MCTP1: variants seen among roughly 807,000 people sequenced by gnomAD.
The protein encoded by MCTP1 is multiple C2 and transmembrane domain-containing protein 1.
Under a neutral mutation model 120.6 loss-of-function variants are expected in MCTP1, and 69 were observed. The observed-to-expected ratio is 0.57, with a 90% CI of 0.47 to 0.70. The LOEUF (loss-of-function observed/expected upper bound fraction) is 0.70, where lower values mean the gene tolerates loss of function less well. Among genes scored for constraint, MCTP1 ranks in the 30% least tolerant of loss-of-function variants. The pLI, the probability that MCTP1 is intolerant of heterozygous loss-of-function variation, is 0.00. For synonymous variants in MCTP1, 529 were observed against 493.1 expected (o/e 1.07, Z -0.96); for missense variants, 1,203 against 1,248.8 (o/e 0.96, Z 0.55).
intron 3 of MCTP1, among the ~76,000 whole-genome samples, chr5:94,946,125 T>C (rs1276185642): frequency 1.3e-5 from 2 of 152,178 alleles, no homozygotes; most frequent in Non-Finnish European, 2.9e-5. Context: ...GTATCAAAGG[T>C]AAATGATACA....
chr5:95,238,896 G>A (rs964652267), intron 1 of MCTP1, among the ~76,000 whole-genome samples: 26 of 152,042 alleles, frequency 1.7e-4, no homozygotes, highest in South Asian at 1.0e-3. Flanking sequence ...AGCCTTGCTC[G>A]GTATAATCTC....
chr5:94,834,424 A>G (rs915814913), intron 17 of MCTP1, among the ~76,000 whole-genome samples: 2 of 152,228 alleles, frequency 1.3e-5, no homozygotes, highest in African/African-American at 4.8e-5. Context: ...ATGTGCAGAA[A>G]GATACAAGCC....
chr5:95,087,089 G>T (rs1037935245), intron 1 of MCTP1, among the ~76,000 whole-genome samples: 1 of 152,166 alleles, frequency 6.6e-6, no homozygotes, highest in Non-Finnish European at 1.5e-5. Context: ...ATAGAGAAGC[G>T]TGGCCAGCAG....
intron 2 of MCTP1, among the ~76,000 whole-genome samples, chr5:94,965,828 G>T (rs773126964): frequency 1.7e-4 from 26 of 152,132 alleles, no homozygotes; most frequent in Non-Finnish European, 3.1e-4. Flanking sequence ...AAAAGGATTT[G>T]AGGGGATGTT....
chr5:94,714,683 C>T (rs62365699), intron 20 of MCTP1, 94 bp downstream of exon 20: 96,473 of 784,854 alleles, frequency 0.12, 7,052 homozygotes, highest in Middle Eastern at 0.22. Flanking sequence ...AAGGAGTGTC[C>T]CCTGCCAAAA....
chr5:94,815,414 T>C (rs1784314143), intron 17 of MCTP1, among the ~76,000 whole-genome samples: 1 of 152,198 alleles, frequency 6.6e-6, no homozygotes, highest in African/African-American at 2.4e-5. Context: ...ATTGCTGCAA[T>C]CTAAACTGCC....
At chr5:95,086,860 T>C (rs1249299265) in intron 1 of MCTP1, among the ~76,000 whole-genome samples, 1 of 152,202 alleles carries the variant, frequency 6.6e-6, no homozygotes, top group African/African-American at 2.4e-5. Context: ...TATCTGATTA[T>C]TAATTTATAA....
At chr5:94,958,546 G>A (rs1561926746) in intron 2 of MCTP1, among the ~76,000 whole-genome samples, 1 of 152,012 alleles carries the variant, frequency 6.6e-6, no homozygotes, top group African/African-American at 2.4e-5. Flanking sequence ...AGAAAAGAGA[G>A]AAGAATCAAA....
intron 1 of MCTP1, among the ~76,000 whole-genome samples, chr5:95,084,536 G>GA (rs1342238767): frequency 7.3e-6 from 1 of 136,146 alleles, no homozygotes; most frequent in Non-Finnish European, 1.6e-5. Context: ...GTCTTTGGGT[G>GA]TTTTTTTTTT....
chr5:94,952,171 C>CAAAAAAAGAAAAA, intron 3 of MCTP1, among the ~76,000 whole-genome samples: 1 of 87,890 alleles, frequency 1.1e-5, no homozygotes, highest in African/African-American at 4.5e-5. Context: ...GACTTTGTCG[C>CAAAAAAAGAAAAA]AAAAAAAAAA....
chr5:95,057,036 G>A (rs73138098), intron 1 of MCTP1, among the ~76,000 whole-genome samples: 8,634 of 152,104 alleles, frequency 0.057, 380 homozygotes, highest in African/African-American at 0.12. Flanking sequence ...AAGATTAAAA[G>A]GGGATTGAAA....
At chr5:94,846,762 CTG>C in intron 17 of MCTP1, among the ~76,000 whole-genome samples, 1 of 152,016 alleles carries the variant, frequency 6.6e-6, no homozygotes, top group East Asian at 1.9e-4. Flanking sequence ...ACTGCATTCT[CTG>C]TGTGTGTCTC....
chr5:95,276,027 T>C (rs1372890373), intron 1 of MCTP1, among the ~76,000 whole-genome samples: 6 of 152,132 alleles, frequency 3.9e-5, no homozygotes, highest in African/African-American at 1.4e-4. Flanking sequence ...AGTCTAGTCC[T>C]CCATGGGAGA....
At chr5:95,189,274 A>G (rs573527832) in intron 1 of MCTP1, among the ~76,000 whole-genome samples, 8 of 152,166 alleles carry the variant, frequency 5.3e-5, no homozygotes, top group Non-Finnish European at 1.2e-4. Flanking sequence ...AAAATTAAAG[A>G]GTTGGTGAAA....
At chr5:95,218,402 C>G in intron 1 of MCTP1, among the ~76,000 whole-genome samples, 1 of 152,094 alleles carries the variant, frequency 6.6e-6, no homozygotes, top group East Asian at 1.9e-4. Flanking sequence ...TTTCTTTAAT[C>G]TAGTATTTCC....
intron 2 of MCTP1, among the ~76,000 whole-genome samples, chr5:94,986,901 A>G (rs1830520982): frequency 6.6e-6 from 1 of 152,134 alleles, no homozygotes; most frequent in Non-Finnish European, 1.5e-5. Flanking sequence ...CAGGATCCAC[A>G]TGCACATGCT....
intron 20 of MCTP1, among the ~76,000 whole-genome samples, chr5:94,712,481 A>G (rs983202371): frequency 2.6e-5 from 4 of 151,868 alleles, no homozygotes; most frequent in African/African-American, 9.7e-5. Context: ...ATTTTCTTCT[A>G]TACAATGCCT....
chr5:94,719,001 G>C (rs180941381), intron 19 of MCTP1, among the ~76,000 whole-genome samples: 1 of 152,100 alleles, frequency 6.6e-6, no homozygotes, highest in Admixed American at 6.6e-5. Context: ...GATTATAGGC[G>C]TGAGCCACTG....
rs1022518802 is a variant in MCTP1, at chr5:94,853,593, G to A, written c.2436+14740C>T. Among the ~76,000 whole-genome samples the A allele has an allele frequency of 4.6e-5, 7 of 151,988 alleles. No homozygotes were observed. In the East Asian group the frequency reaches 9.7e-4, roughly 21 times the overall value. On this transcript the variant is annotated intron_variant, in intron 17 of 22. Transcript: ENST00000515393. ...ACCCTTCTGACAAATTCTCATCCAG[G>A]TTGTTTCATATTTATCATCTTATAA...
Sources: gnomAD v4.1 joint callset for allele counts (sites outside exome capture counted in the v4.1 genomes callset) on GRCh38, gnomAD v4.1.1 for gene constraint, MANE v1.5 for transcripts, NCBI Gene and HGNC (gene_info 2026-07-23, HGNC 2026-07-21) for gene names.